PCDHA3: variants seen among roughly 807,000 people sequenced by gnomAD.
The protein encoded by PCDHA3 is protocadherin alpha 3.
A neutral mutation model predicts 62.2 loss-of-function variants in PCDHA3; 41 were observed. That is an observed-to-expected ratio of 0.66 (90% CI 0.51 to 0.86). The LOEUF is 0.86. Among genes scored for constraint, PCDHA3 ranks in the 40% least tolerant of loss-of-function variants. The probability of loss-of-function intolerance (pLI) is 0.00; values close to 1 mark genes in which losing one functional copy is unlikely to be tolerated. For synonymous variants in PCDHA3, 640 were observed against 555.4 expected, an observed-to-expected ratio of 1.15 and a Z score of -2.14; for missense variants, 1,304 against 1,241.2, an observed-to-expected ratio of 1.05 and a Z score of -0.76.
At position 140,964,709 on chromosome 5, in the gene PCDHA3, A is replaced by G. The variant is rs115609419; in HGVS notation, c.2395-14240A>G. On this transcript the variant is annotated intron_variant, in intron 1 of 3. Coordinates refer to ENST00000522353, the MANE Select transcript of PCDHA3 (RefSeq NM_018906.3). ...CACTTGAGAGATTAAGGCCTCCGAG[A>G]TCAAATTACCACAGCAAACTGAGAC... is the stretch of plus-strand genomic sequence containing the variant. Among the ~76,000 whole-genome samples the G allele has an allele frequency of 4.5e-3, 689 of 152,134 alleles. 3 individuals are homozygous for G. Among genetic ancestry groups the G allele is most frequent in the African/African-American group, 0.016 (667 of 41,492 alleles).
chr5:140,830,060 C>T, intron 1 of PCDHA3: 1 of 1,613,712 alleles, frequency 6.2e-7, no homozygotes, highest in South Asian at 1.1e-5. Context: ...CCACGGTGAG[C>T]CGGCGCTGAC....
At chr5:140,978,791 A>G (rs1443899144) in intron 1 of PCDHA3, 158 bp from the exon 2 acceptor site, 1 of 976,042 alleles carries the variant, frequency 1.0e-6, no homozygotes, top group Non-Finnish European at 1.2e-6. Context: ...AAAGTGCTAT[A>G]TATGTAGATA....
rs782607699 is a variant in PCDHA3, at chr5:140,926,577, C to A, written c.2395-52372C>A. ...CAGCCCGCTGCTACTGGAGACAGCA[C>A]CTCTCGCGCCCGGGCGGGCGGCCTC... On this transcript the variant is annotated intron_variant, in intron 1 of 3. Coordinates refer to ENST00000522353, the MANE Select transcript of PCDHA3 (RefSeq NM_018906.3). The A allele has an allele frequency of 2.5e-5, 7 of 275,464 alleles. No individual in the cohort carries two copies. In the Middle Eastern group the frequency reaches 3.1e-3, roughly 122 times the overall value. The allele number at this position is 275,464 out of a possible 1,614,324, so 17.1% of individuals were successfully genotyped here. A position where few individuals can be genotyped will look rare whatever the true frequency, so the allele number is the denominator to read the frequency against.
intron 1 of PCDHA3, chr5:140,828,272 C>G: frequency 6.2e-7 from 1 of 1,614,040 alleles, no homozygotes. Context: ...GGAGCTGGTG[C>G]CGCGCCTGTT....
At chr5:140,883,217 G>A (rs868963567) in intron 1 of PCDHA3, 1 of 1,613,990 alleles carries the variant, frequency 6.2e-7, no homozygotes, top group Non-Finnish European at 8.5e-7. Context: ...GAAATTATAT[G>A]AAATATCCGT....
intron 3 of PCDHA3, among the ~76,000 whole-genome samples, chr5:140,997,668 T>TTGTGTGTGTGTGTG (rs35184029): frequency 1.7e-4 from 25 of 148,344 alleles, no homozygotes; most frequent in African/African-American, 6.2e-4. Flanking sequence ...ATTATACAGC[T>TTGTGTGTGTGTGTG]TGTGTGTGTG....
At chr5:140,979,354 A>G (rs1205411040) in intron 2 of PCDHA3, among the ~76,000 whole-genome samples, 1 of 151,576 alleles carries the variant, frequency 6.6e-6, no homozygotes. Context: ...ATTAATACTC[A>G]TGCTTTGAGA....
At chr5:140,887,438 A>T (rs540823028) in intron 1 of PCDHA3, among the ~76,000 whole-genome samples, 3 of 152,268 alleles carry the variant, frequency 2.0e-5, no homozygotes, top group Admixed American at 6.5e-5. Flanking sequence ...TTCACTGGGC[A>T]TAGTTGACAG....
At chr5:140,957,029 T>G (rs782472701) in intron 1 of PCDHA3, among the ~76,000 whole-genome samples, 4 of 152,190 alleles carry the variant, frequency 2.6e-5, no homozygotes, top group African/African-American at 4.8e-5. Flanking sequence ...TTTAGATATT[T>G]ATGGGAGTCA....
intron 1 of PCDHA3, chr5:140,811,229 A>G (rs111902732): frequency 0.058 from 8,883 of 152,340 alleles, 854 homozygotes; most frequent in African/African-American, 0.2. Context: ...TCGTTGTTCA[A>G]TTCCCACCTA....
At chr5:140,968,716 T>C (rs1554230993) in intron 1 of PCDHA3, 2 of 1,614,058 alleles carry the variant, frequency 1.2e-6, no homozygotes, top group Admixed American at 1.7e-5. Flanking sequence ...AGATGGGAGA[T>C]GAGAGTGGTA....
At chr5:140,929,330 G>A (rs2086062257) in intron 1 of PCDHA3, 1 of 1,535,218 alleles carries the variant, frequency 6.5e-7, no homozygotes, top group Non-Finnish European at 8.8e-7. Flanking sequence ...GCCATGGTAA[G>A]CAAATTTTAT....
chr5:140,988,324 C>T (rs2097292768), intron 3 of PCDHA3, among the ~76,000 whole-genome samples: 1 of 152,206 alleles, frequency 6.6e-6, no homozygotes, highest in African/African-American at 2.4e-5. Flanking sequence ...CTTTCTCTAC[C>T]CGAGGAAAGT....
Position 140,849,757 on chromosome 5 carries a change from A to G in PCDHA3, c.2394+46166A>G, listed in dbSNP as rs2041104980. ...CTGGACCGCGAGAGTGTGTCCGCCT[A>G]CGAGCTGGTGGTTACCGCGCGGGAC... On this transcript the variant is annotated intron_variant, in intron 1 of 3. Transcript: ENST00000522353. 3.1e-6 allele frequency: 5 copies of G among 1,598,418 alleles called. No homozygotes were observed. The African/African-American group carries it at 6.7e-5, about 21-fold the overall frequency.
chr5:140,863,047 C>T, intron 1 of PCDHA3: 1 of 560,864 alleles, frequency 1.8e-6, no homozygotes. Context: ...TGTCAGCTGG[C>T]AGCACCCGTT....
chr5:140,973,574 C>T (rs1485415780), intron 1 of PCDHA3, among the ~76,000 whole-genome samples: 1 of 152,218 alleles, frequency 6.6e-6, no homozygotes, highest in African/African-American at 2.4e-5. Flanking sequence ...AATTTTTCTA[C>T]AGACTGCTGA....
intron 1 of PCDHA3, chr5:140,822,603 A>G: frequency 6.2e-7 from 1 of 1,611,500 alleles, no homozygotes; most frequent in Non-Finnish European, 8.5e-7. Flanking sequence ...ATAAGGAAAT[A>G]GTGTATTTCT....
At chr5:140,905,950 T>C (rs2072233262) in intron 1 of PCDHA3, among the ~76,000 whole-genome samples, 1 of 152,206 alleles carries the variant, frequency 6.6e-6, no homozygotes, top group Non-Finnish European at 1.5e-5. Flanking sequence ...TGGAATCCGA[T>C]GTTCAAGGGG....
At chr5:140,875,934 A>T (rs782270710) in intron 1 of PCDHA3, 1 of 1,614,178 alleles carries the variant, frequency 6.2e-7, no homozygotes, top group Admixed American at 1.7e-5. Context: ...ATTTTCCTCT[A>T]GAGGGCGCTT....
Sources: gnomAD v4.1 joint callset for allele counts (sites outside exome capture counted in the v4.1 genomes callset) on GRCh38, gnomAD v4.1.1 for gene constraint, MANE v1.5 for transcripts, NCBI Gene and HGNC (gene_info 2026-07-23, HGNC 2026-07-21) for gene names.